The following GK5 variants were observed in gnomAD, a reference collection of about 807,000 sequenced individuals.
GK5 encodes the protein ATP:glycerol 3-phosphotransferase 5.
In GK5, 39 loss-of-function variants were observed where a neutral mutation model predicts 77.3. That is an observed-to-expected ratio of 0.50 (90% confidence interval 0.39 to 0.66). The LOEUF (loss-of-function observed/expected upper bound fraction) is 0.66, where lower values mean the gene tolerates loss of function less well. Ranked by LOEUF, GK5 falls within the 30% of genes least tolerant of loss-of-function variation. GK5 has a pLI of 0.00. For synonymous variants in GK5, 211 were observed against 208.0 expected (o/e 1.01, Z -0.13); for missense variants, 487 against 633.8 (o/e 0.77, Z 2.49).
intron 1 of GK5, 122 bp downstream of exon 1, chr3:142,225,187 G>T: frequency 9.2e-7 from 1 of 1,085,566 alleles, no homozygotes; most frequent in Non-Finnish European, 1.2e-6. Flanking sequence ...AGGGCCCGCG[G>T]GTGCTGCAGG....
At chr3:142,215,458 G>C (rs982874481) in intron 2 of GK5, 141 bp downstream of exon 2, 2 of 495,048 alleles carry the variant, frequency 4.0e-6, no homozygotes, top group Non-Finnish European at 3.6e-6. Flanking sequence ...AATTTCCGTT[G>C]AAAAATACTG....
chr3:142,192,698 A>C (rs895057301), intron 5 of GK5, among the ~76,000 whole-genome samples: 2 of 150,210 alleles, frequency 1.3e-5, no homozygotes, highest in African/African-American at 4.9e-5. Context: ...TGGGAGGTAG[A>C]GGTTGCAGTG....
In GK5 at chr3:142,158,710, G is replaced by C. The variant is rs550641339; in HGVS notation, c.*6912C>G. 126 of 152,572 alleles carry C rather than the reference G, an allele frequency of 8.3e-4. No individual in the cohort carries two copies. The highest frequency in any genetic ancestry group is 2.8e-3 in the African/African-American group (116 of 41,520). The allele number at this position is 152,572 out of a possible 1,614,324, so 9.5% of individuals were successfully genotyped here. On this transcript the variant is annotated 3_prime_UTR_variant, in exon 16 of 16. Transcript: ENST00000392993. ...TACATTTACCATCTTGTACAAATAGGAAAGTTTCTAATAACTTATTAACAA... is the reference window on the plus strand; with the variant it reads ...TACATTTACCATCTTGTACAAATAGCAAAGTTTCTAATAACTTATTAACAA...
chr3:142,203,446 A>C (rs2064057680), intron 4 of GK5, among the ~76,000 whole-genome samples: 1 of 152,198 alleles, frequency 6.6e-6, no homozygotes, highest in African/African-American at 2.4e-5. Flanking sequence ...ACTAGCAGAG[A>C]AGGCATTTAA....
chr3:142,196,206 A>T (rs1323729670), intron 5 of GK5, among the ~76,000 whole-genome samples: 1 of 151,970 alleles, frequency 6.6e-6, no homozygotes, highest in African/African-American at 2.4e-5. Flanking sequence ...AATTTTAGTT[A>T]TTTGGGTTTT....
At chr3:142,206,729 T>C (rs1291932690) in intron 3 of GK5, among the ~76,000 whole-genome samples, 1 of 152,222 alleles carries the variant, frequency 6.6e-6, no homozygotes, top group African/African-American at 2.4e-5. Flanking sequence ...CATGACTTGT[T>C]TTAGACAGTA....
At chr3:142,166,505 A>C (rs2063473821) in intron 15 of GK5, among the ~76,000 whole-genome samples, 1 of 152,176 alleles carries the variant, frequency 6.6e-6, no homozygotes, top group Admixed American at 6.5e-5. Flanking sequence ...TCTTTGAAGG[A>C]AGGATCATAT....
At chr3:142,193,494 A>C (rs940567714) in intron 5 of GK5, among the ~76,000 whole-genome samples, 20 of 151,648 alleles carry the variant, frequency 1.3e-4, no homozygotes, top group East Asian at 5.8e-4. Context: ...AAAAAAAAAA[A>C]AACAAAAAAA....
intron 12 of GK5, among the ~76,000 whole-genome samples, chr3:142,177,165 T>C (rs2063627321): frequency 1.3e-5 from 2 of 152,144 alleles, no homozygotes; most frequent in African/African-American, 2.4e-5. Context: ...TTTTTGGTCA[T>C]GATAAAGTAA....
intron 12 of GK5, chr3:142,173,092 T>C (rs2063560087): frequency 2.7e-6 from 1 of 373,378 alleles, no homozygotes; most frequent in Non-Finnish European, 5.2e-6. Context: ...TTACAGCTAC[T>C]TGGGAGGCTG....
intron 10 of GK5, 78 bp downstream of exon 10, chr3:142,182,845 T>C (rs905197940): frequency 6.4e-6 from 6 of 934,516 alleles, no homozygotes; most frequent in Non-Finnish European, 6.5e-6. Context: ...AATGGGAAAA[T>C]AGTATAAGTA....
In GK5 at chr3:142,225,569, A is replaced by T; in HGVS notation, c.-114T>A. Reference sequence around the variant, plus strand: ...CCGGGCCCCAACCCGGCTCAGCCGGAGAGCCTAGAGAGGCCTGGCCCCTGC... The same window carrying T: ...CCGGGCCCCAACCCGGCTCAGCCGGTGAGCCTAGAGAGGCCTGGCCCCTGC... On this transcript the variant is annotated 5_prime_UTR_variant, in exon 1 of 16. Coordinates refer to ENST00000392993, the MANE Select transcript of GK5 (RefSeq NM_001039547.3). 1 of 1,309,682 alleles carries T rather than the reference A, an allele frequency of 7.6e-7. No homozygotes were observed. Among genetic ancestry groups the T allele is most frequent in the Non-Finnish European group, 1.0e-6 (1 of 983,696 alleles). The allele number at this position is 1,309,682 out of a possible 1,614,324, so 81.1% of individuals were successfully genotyped here.
intron 3 of GK5, among the ~76,000 whole-genome samples, chr3:142,210,953 C>T (rs1041395916): frequency 3.3e-5 from 5 of 152,266 alleles, no homozygotes; most frequent in Admixed American, 2.6e-4. Flanking sequence ...CATCCACTTC[C>T]CAGATTAGCG....
intron 5 of GK5, among the ~76,000 whole-genome samples, chr3:142,190,646 A>T (rs1473283749): frequency 6.6e-6 from 1 of 152,346 alleles, no homozygotes; most frequent in South Asian, 2.1e-4. Flanking sequence ...ATAACCATTC[A>T]TAATAAAAAG....
Position 142,162,514 on chromosome 3 carries a change from A to G in GK5, c.*3108T>C, listed in dbSNP as rs2063433239. The G allele has an allele frequency of 6.6e-6, 1 of 152,264 alleles. No homozygotes were observed. The highest frequency in any genetic ancestry group is 2.4e-5 in the African/African-American group (1 of 41,480). The allele number at this position is 152,264 out of a possible 1,614,324, so 9.4% of individuals were successfully genotyped here. A position where few individuals can be genotyped will look rare whatever the true frequency, so the allele number is the denominator to read the frequency against. Reference sequence around the variant, plus strand: ...AAAAGATGAAAAAATCAGTATGTCTATAGTATAAAAGCAATTAGTAGCACT... The same window carrying G: ...AAAAGATGAAAAAATCAGTATGTCTGTAGTATAAAAGCAATTAGTAGCACT... On this transcript the variant is annotated 3_prime_UTR_variant, in exon 16 of 16. Transcript: ENST00000392993.
chr3:142,172,611 T>C (rs1329851368), intron 12 of GK5, among the ~76,000 whole-genome samples, 155 bp from the exon 13 acceptor site: 2 of 152,238 alleles, frequency 1.3e-5, no homozygotes, highest in Non-Finnish European at 2.9e-5. Flanking sequence ...AATATTGGGA[T>C]AACTTTTTAA....
At chr3:142,186,793 G>A (rs1240747388) in intron 6 of GK5, among the ~76,000 whole-genome samples, 1 of 151,992 alleles carries the variant, frequency 6.6e-6, no homozygotes, top group Non-Finnish European at 1.5e-5. Context: ...ACCACACCCA[G>A]CTAATTTGAT....
chr3:142,224,777 G>A (rs915364766), intron 1 of GK5, among the ~76,000 whole-genome samples: 1 of 152,140 alleles, frequency 6.6e-6, no homozygotes, highest in African/African-American at 2.4e-5. Context: ...GTGAAGAATA[G>A]AGAATAAACT....
chr3:142,176,529 G>A (rs1181688251), intron 12 of GK5, among the ~76,000 whole-genome samples: 1 of 151,758 alleles, frequency 6.6e-6, no homozygotes, highest in East Asian at 1.9e-4. Flanking sequence ...AAAATTAAAG[G>A]TAGTATCAGA....
Sources: allele counts gnomAD v4.1 joint callset (sites outside exome capture counted in the v4.1 genomes callset), GRCh38; gene constraint gnomAD v4.1.1; transcripts MANE v1.5; gene names NCBI Gene and HGNC (gene_info 2026-07-23, HGNC 2026-07-21).